The following PINX1 variants were observed in gnomAD, a reference collection of about 807,000 sequenced individuals.
PINX1 encodes PIN2/TERF1-interacting telomerase inhibitor 1.
A neutral mutation model predicts 25.4 loss-of-function variants in PINX1; 34 were observed. The ratio of observed to expected loss-of-function variants is 1.34; its 90% CI spans 1.02 to 1.78. PINX1 has a LOEUF of 1.78. PINX1 is among the 40% of genes most tolerant of loss of function. The pLI is 0.00. For missense variants in PINX1, 592 were observed against 404.9 expected, an observed-to-expected ratio of 1.46 and a Z score of -3.97; for synonymous variants, 197 against 147.7, an observed-to-expected ratio of 1.33 and a Z score of -2.42.
chr8:10,809,661 G>A (rs1802564753), intron 6 of PINX1, among the ~76,000 whole-genome samples: 1 of 152,202 alleles, frequency 6.6e-6, no homozygotes, highest in African/African-American at 2.4e-5. Context: ...AAGTTCAAGA[G>A]GAGGACAGAT....
chr8:10,769,252 T>C (rs1226263794), intron 6 of PINX1, among the ~76,000 whole-genome samples: 2 of 152,150 alleles, frequency 1.3e-5, no homozygotes, highest in African/African-American at 2.4e-5. Context: ...TTGCCACTAA[T>C]GGCAAAAACC....
At chr8:10,800,250 G>C (rs538836756) in intron 6 of PINX1, among the ~76,000 whole-genome samples, 27 of 152,324 alleles carry the variant, frequency 1.8e-4, no homozygotes, top group Middle Eastern at 3.4e-3. Context: ...CAAGAACACT[G>C]CGTATGTATA....
intron 6 of PINX1, among the ~76,000 whole-genome samples, chr8:10,774,587 G>C (rs921372106): frequency 7.2e-5 from 11 of 152,070 alleles, no homozygotes; most frequent in African/African-American, 2.7e-4. Context: ...AGCCGAATAA[G>C]GTCTTTTTAG....
chr8:10,797,580 T>A (rs1199141279), intron 6 of PINX1, among the ~76,000 whole-genome samples: 1 of 152,220 alleles, frequency 6.6e-6, no homozygotes, highest in Non-Finnish European at 1.5e-5. Flanking sequence ...TAAGCCACTA[T>A]TTTATTCAAA....
intron 5 of PINX1, among the ~76,000 whole-genome samples, chr8:10,823,310 G>A (rs945252663): frequency 5.3e-5 from 8 of 152,118 alleles, no homozygotes. Flanking sequence ...GGATTAAGAA[G>A]TCTGCAAGAT....
chr8:10,780,936 C>A (rs1586143789), intron 6 of PINX1, among the ~76,000 whole-genome samples: 1 of 152,142 alleles, frequency 6.6e-6, no homozygotes, highest in Non-Finnish European at 1.5e-5. Context: ...AGACACCACA[C>A]TTCTTGATGT....
chr8:10,765,978 C>T (rs1340623512), intron 6 of PINX1, 62 bp from the exon 7 acceptor site: 4 of 1,529,578 alleles, frequency 2.6e-6, no homozygotes, highest in African/African-American at 2.7e-5. Context: ...TCACCGCACC[C>T]AGGAGGCACC....
At chr8:10,835,796 G>A (rs1234156983) in intron 1 of PINX1, among the ~76,000 whole-genome samples, 2 of 152,014 alleles carry the variant, frequency 1.3e-5, no homozygotes, top group South Asian at 2.1e-4. Flanking sequence ...AAAGAAGAGG[G>A]AGAGGAAAAA....
intron 5 of PINX1, chr8:10,825,452 G>A (rs758804561): frequency 1.9e-6 from 1 of 534,770 alleles, no homozygotes; most frequent in East Asian, 5.4e-5. Context: ...CTGTTCTACA[G>A]ACAAACTGGG....
chr8:10,793,497 T>C (rs1801988737), intron 6 of PINX1, among the ~76,000 whole-genome samples: 1 of 152,160 alleles, frequency 6.6e-6, no homozygotes, highest in African/African-American at 2.4e-5. Context: ...TAAAAGACTT[T>C]ACGAATTTGT....
chr8:10,820,441 A>G (rs1797832962), intron 5 of PINX1, 172 bp from the exon 6 acceptor site: 2 of 653,990 alleles, frequency 3.1e-6, no homozygotes, highest in African/African-American at 3.6e-5. Flanking sequence ...ATTAGTAAAC[A>G]AAATTAATTA....
intron 6 of PINX1, among the ~76,000 whole-genome samples, 179 bp from the exon 7 acceptor site, chr8:10,766,095 C>A (rs537600209): frequency 1.3e-5 from 2 of 152,290 alleles, no homozygotes; most frequent in East Asian, 3.9e-4. Flanking sequence ...TGGCCTCTCT[C>A]CCTTCTGGTC....
At chr8:10,818,231 G>C (rs1157156831) in intron 6 of PINX1, among the ~76,000 whole-genome samples, 5 of 152,180 alleles carry the variant, frequency 3.3e-5, no homozygotes, top group African/African-American at 1.2e-4. Flanking sequence ...GTTGCATCAA[G>C]GTTGATCATC....
At chr8:10,800,470 CTTT>C (rs35149115) in intron 6 of PINX1, among the ~76,000 whole-genome samples, 13 of 143,272 alleles carry the variant, frequency 9.1e-5, no homozygotes, top group Non-Finnish European at 1.1e-4. Flanking sequence ...TGAGAATAAA[CTTT>C]TTTTTTTTTT....
intron 6 of PINX1, among the ~76,000 whole-genome samples, 169 bp downstream of exon 6, chr8:10,820,024 T>A (rs564293955): frequency 6.6e-6 from 1 of 152,306 alleles, no homozygotes; most frequent in Admixed American, 6.5e-5. Context: ...AAACATTATC[T>A]ACCCACTAAT....
At chr8:10,805,669 C>A (rs1451937039) in intron 6 of PINX1, among the ~76,000 whole-genome samples, 3 of 82,116 alleles carry the variant, frequency 3.7e-5, no homozygotes, top group Non-Finnish European at 4.6e-5. Context: ...GGTGACGGAG[C>A]ACAGGAAGGG....
chr8:10,832,182 A>C (rs1298433245), intron 3 of PINX1, among the ~76,000 whole-genome samples: 1 of 152,122 alleles, frequency 6.6e-6, no homozygotes, highest in Non-Finnish European at 1.5e-5. Flanking sequence ...ACTTGCATCA[A>C]CTCCAATTTT....
At chr8:10,777,148 C>T (rs1351730089) in intron 6 of PINX1, among the ~76,000 whole-genome samples, 2 of 152,226 alleles carry the variant, frequency 1.3e-5, no homozygotes, top group Non-Finnish European at 2.9e-5. Context: ...CAGCAACTTC[C>T]AACCCTTGGG....
intron 6 of PINX1, among the ~76,000 whole-genome samples, chr8:10,786,403 G>T (rs570829613): frequency 6.6e-6 from 1 of 152,270 alleles, no homozygotes; most frequent in South Asian, 2.1e-4. Flanking sequence ...AGTAAAAGTG[G>T]GGAGTTGCAC....
Sources: gnomAD v4.1 joint callset for allele counts (sites outside exome capture counted in the v4.1 genomes callset) on GRCh38, gnomAD v4.1.1 for gene constraint, MANE v1.5 for transcripts, NCBI Gene and HGNC (gene_info 2026-07-23, HGNC 2026-07-21) for gene names.